COMMD1: variants seen among roughly 807,000 people sequenced by gnomAD.
The protein encoded by COMMD1 is COMM domain-containing protein 1.
COMMD1 carries 10 observed loss-of-function variants against 17.2 expected under a neutral mutation model. The observed-to-expected ratio is 0.58, with a 90% CI of 0.36 to 0.99. The LOEUF is 0.99. COMMD1 is among the 50% of genes least tolerant of loss of function. The probability of loss-of-function intolerance (pLI) is 0.01; values close to 1 mark genes in which losing one functional copy is unlikely to be tolerated. For synonymous variants in COMMD1, 97 were observed against 91.6 expected (o/e 1.06, Z -0.34); for missense variants, 270 against 231.8 (o/e 1.17, Z -1.07).
chr2:62,093,547 G>T (rs1317770934), intron 2 of COMMD1, among the ~76,000 whole-genome samples: 1 of 152,174 alleles, frequency 6.6e-6, no homozygotes, highest in Admixed American at 6.5e-5. Flanking sequence ...TTGAGGGGTA[G>T]ATGCTTACTG....
At chr2:62,042,254 T>C (rs1200093311) in intron 2 of COMMD1, among the ~76,000 whole-genome samples, 1 of 152,188 alleles carries the variant, frequency 6.6e-6, no homozygotes, top group African/African-American at 2.4e-5. Context: ...AGAGTGCTGA[T>C]TGGTGCATTT....
intron 1 of COMMD1, among the ~76,000 whole-genome samples, chr2:61,906,582 A>C (rs1669776891): frequency 6.6e-6 from 1 of 152,174 alleles, no homozygotes; most frequent in South Asian, 2.1e-4. Flanking sequence ...CATATGGCTA[A>C]TAACCATCAT....
intron 2 of COMMD1, among the ~76,000 whole-genome samples, chr2:62,004,634 T>A: frequency 6.6e-6 from 1 of 152,074 alleles, no homozygotes; most frequent in East Asian, 1.9e-4. Context: ...ATATATGAAG[T>A]CAAGAAAAGT....
At chr2:61,967,057 T>C (rs899448095) in intron 1 of COMMD1, among the ~76,000 whole-genome samples, 3 of 152,184 alleles carry the variant, frequency 2.0e-5, no homozygotes, top group Non-Finnish European at 4.4e-5. Context: ...GTGTCCTTTT[T>C]CCCTTATCAA....
At chr2:61,935,849 C>G (rs1229115100) in intron 1 of COMMD1, among the ~76,000 whole-genome samples, 1 of 151,686 alleles carries the variant, frequency 6.6e-6, no homozygotes, top group Non-Finnish European at 1.5e-5. Flanking sequence ...CAGAGTCTCA[C>G]TCTGTTGCCA....
intron 1 of COMMD1, among the ~76,000 whole-genome samples, chr2:61,921,875 A>G (rs1040191191): frequency 1.3e-5 from 2 of 152,172 alleles, no homozygotes; most frequent in African/African-American, 4.8e-5. Flanking sequence ...TAGAGGTGCA[A>G]ACTGGAAGAT....
At chr2:61,960,750 C>T (rs553880170) in intron 1 of COMMD1, among the ~76,000 whole-genome samples, 50 of 152,332 alleles carry the variant, frequency 3.3e-4, no homozygotes, top group African/African-American at 6.7e-4. Flanking sequence ...CTTTCCCCCT[C>T]GGGAGGTAAC....
chr2:61,926,198 C>G (rs1670326516), intron 1 of COMMD1, among the ~76,000 whole-genome samples: 1 of 152,150 alleles, frequency 6.6e-6, no homozygotes, highest in Non-Finnish European at 1.5e-5. Context: ...GTCTCCATCT[C>G]CTGACCTTGT....
intron 1 of COMMD1, among the ~76,000 whole-genome samples, chr2:61,959,692 G>T (rs1197665038): frequency 1.3e-5 from 2 of 152,144 alleles, no homozygotes; most frequent in Admixed American, 1.3e-4. Context: ...GGAAACTCAT[G>T]TCCTTTAATT....
At chr2:61,999,287 G>A (rs1247299522) in intron 1 of COMMD1, among the ~76,000 whole-genome samples, 2 of 152,296 alleles carry the variant, frequency 1.3e-5, no homozygotes, top group East Asian at 1.9e-4. Flanking sequence ...CTTATATTTA[G>A]TTACTGTGTC....
Position 62,011,962 on chromosome 2 carries a change from G to A in COMMD1, c.462+10980G>A, listed in dbSNP as rs115645257. ...ATATCTTTGCATTTAATGCATAGAT[G>A]TATGACTGGGCGCAGTGACTCGTGC... On this transcript the variant is annotated intron_variant, in intron 2 of 2. Transcript: ENST00000311832. 1.5e-3 allele frequency among the ~76,000 whole-genome samples: 232 copies of A among 152,240 alleles called. 2 individuals carry two copies. Among genetic ancestry groups the A allele is most frequent in the African/African-American group, 4.4e-3 (182 of 41,552 alleles).
intron 2 of COMMD1, among the ~76,000 whole-genome samples, chr2:62,054,092 A>G (rs1670619708): frequency 6.6e-6 from 1 of 152,226 alleles, no homozygotes; most frequent in Non-Finnish European, 1.5e-5. Flanking sequence ...CAACAGGTAT[A>G]TGAAAAAAAT....
chr2:61,911,852 A>G (rs1156377592), intron 1 of COMMD1, among the ~76,000 whole-genome samples: 1 of 152,188 alleles, frequency 6.6e-6, no homozygotes, highest in African/African-American at 2.4e-5. Flanking sequence ...AGGTCCTTAC[A>G]TGATCTTACC....
At chr2:62,020,671 G>T (rs1022906894) in intron 2 of COMMD1, among the ~76,000 whole-genome samples, 1 of 152,064 alleles carries the variant, frequency 6.6e-6, no homozygotes, top group Non-Finnish European at 1.5e-5. Flanking sequence ...TTGAAATTCC[G>T]CTGAGAGGCA....
At chr2:61,905,580 G>T (rs1417218079), upstream of COMMD1, 1 of 1,267,386 alleles carries the variant, frequency 7.9e-7, no homozygotes, top group South Asian at 1.6e-5. Flanking sequence ...CAGGTTCCCC[G>T]AGGTTCCCCG....
intron 2 of COMMD1, among the ~76,000 whole-genome samples, chr2:62,004,203 A>G (rs1669045098): frequency 1.3e-5 from 2 of 152,160 alleles, no homozygotes; most frequent in Admixed American, 1.3e-4. Context: ...AAAATTGTAC[A>G]CTTTATTATT....
intron 2 of COMMD1, among the ~76,000 whole-genome samples, chr2:62,023,650 A>AT (rs1191613004): frequency 1.3e-5 from 2 of 151,960 alleles, no homozygotes; most frequent in African/African-American, 2.4e-5. Context: ...CGCTTGGCTA[A>AT]TTTTTTGTAT....
chr2:62,087,204 T>C (rs72891787), intron 2 of COMMD1, among the ~76,000 whole-genome samples: 17 of 152,330 alleles, frequency 1.1e-4, no homozygotes, highest in African/African-American at 4.1e-4. Flanking sequence ...TGAATGATAA[T>C]AGATTTCAGT....
chr2:61,917,618 C>T (rs971580796), intron 1 of COMMD1, among the ~76,000 whole-genome samples: 12 of 152,134 alleles, frequency 7.9e-5, no homozygotes, highest in Admixed American at 3.3e-4. Flanking sequence ...AGCTCTGCCT[C>T]CCTGGTTCAC....
Sources: allele counts gnomAD v4.1 joint callset (sites outside exome capture counted in the v4.1 genomes callset), GRCh38; gene constraint gnomAD v4.1.1; transcripts MANE v1.5; gene names NCBI Gene and HGNC (gene_info 2026-07-23, HGNC 2026-07-21).